The following KIAA1549L variants were observed in gnomAD, a reference collection of about 807,000 sequenced individuals.
KIAA1549L encodes KIAA1549 like.
A neutral mutation model predicts 160.7 loss-of-function variants in KIAA1549L; 88 were observed. The observed-to-expected ratio is 0.55, with a 90% confidence interval of 0.46 to 0.65. The LOEUF is 0.65. Among genes scored for constraint, KIAA1549L ranks in the 30% least tolerant of loss-of-function variants. The pLI is 0.00. For missense variants in KIAA1549L, 2,258 were observed against 2,437.5 expected (o/e 0.93, Z 1.55); for synonymous variants, 950 against 976.7 (o/e 0.97, Z 0.51).
chr11:33,502,609 T>A (rs1852978057), intron 1 of KIAA1549L, among the ~76,000 whole-genome samples: 1 of 152,218 alleles, frequency 6.6e-6, no homozygotes, highest in African/African-American at 2.4e-5. Flanking sequence ...ATCTCCCACT[T>A]TAAGTGTTAC....
At chr11:33,539,259 TTTAA>T (rs1259283124) in intron 1 of KIAA1549L, among the ~76,000 whole-genome samples, 3 of 152,192 alleles carry the variant, frequency 2.0e-5, no homozygotes, top group Admixed American at 6.5e-5. Flanking sequence ...CTAAACAAAG[TTTAA>T]TTAAACCATC....
rs549525124 is a variant in KIAA1549L, at chr11:33,527,215, A to G, written c.239-14587A>G. Among the ~76,000 whole-genome samples the G allele has an allele frequency of 2.8e-3, 429 of 152,326 alleles. 3 individuals carry two copies. The highest frequency in any genetic ancestry group is 9.8e-3 in the African/African-American group (408 of 41,574). The stretch of plus-strand genomic sequence containing the variant: ...TGTTCCCAAGAAAGAAGAGAAATCA[A>G]AAAGTTTGGAAAACTTATTTGAGAG... On this transcript the variant is annotated intron_variant, in intron 1 of 20. Coordinates refer to ENST00000658780, the MANE Select transcript of KIAA1549L (RefSeq NM_012194.3).
chr11:33,651,183 G>A (rs190375555), intron 17 of KIAA1549L, among the ~76,000 whole-genome samples: 6 of 152,224 alleles, frequency 3.9e-5, no homozygotes, highest in African/African-American at 7.2e-5. Flanking sequence ...AGTAGCTTTC[G>A]CTTATGAAAC....
chr11:33,535,663 C>T (rs780799481), intron 1 of KIAA1549L, among the ~76,000 whole-genome samples: 7 of 151,932 alleles, frequency 4.6e-5, no homozygotes, highest in Non-Finnish European at 1.0e-4. Flanking sequence ...CAGAGTGAGA[C>T]CCTGTCCCCC....
At position 33,672,685 on chromosome 11, in the gene KIAA1549L, G is replaced by A. The variant is rs1195212097; in HGVS notation, c.*4531G>A. The A allele has an allele frequency of 1.9e-5, 3 of 153,854 alleles. No homozygotes were observed. Among genetic ancestry groups the A allele is most frequent in the Admixed American group, 6.5e-5 (1 of 15,278 alleles). The allele number at this position is 153,854 out of a possible 1,614,324, so 9.5% of individuals were successfully genotyped here. A position where few individuals can be genotyped will look rare whatever the true frequency, so the allele number is the denominator to read the frequency against. On this transcript the variant is annotated 3_prime_UTR_variant, in exon 21 of 21. Coordinates refer to ENST00000658780, the MANE Select transcript of KIAA1549L (RefSeq NM_012194.3). ...GGGCATCTTCACTTGCACATCAGGTGAGGGTGCACACACTTGAAACTCTGC... is the reference window on the plus strand; with the variant it reads ...GGGCATCTTCACTTGCACATCAGGTAAGGGTGCACACACTTGAAACTCTGC...
chr11:33,475,841 A>C (rs1852274247), intron 1 of KIAA1549L, among the ~76,000 whole-genome samples: 1 of 152,150 alleles, frequency 6.6e-6, no homozygotes, highest in Non-Finnish European at 1.5e-5. Flanking sequence ...TGGGTGACAG[A>C]GTGAGACTGA....
At chr11:33,505,905 C>T (rs914174176) in intron 1 of KIAA1549L, among the ~76,000 whole-genome samples, 3 of 152,152 alleles carry the variant, frequency 2.0e-5, no homozygotes, top group Admixed American at 6.5e-5. Context: ...ATTGAGTACT[C>T]ACCATGTGCT....
chr11:33,440,546 T>C (rs554003868), intron 1 of KIAA1549L, among the ~76,000 whole-genome samples: 8 of 152,356 alleles, frequency 5.3e-5, no homozygotes, highest in African/African-American at 1.9e-4. Flanking sequence ...ATCTTTTCCC[T>C]CATTTTATAC....
intron 9 of KIAA1549L, among the ~76,000 whole-genome samples, chr11:33,573,394 A>G (rs1012022753): frequency 6.6e-6 from 1 of 152,108 alleles, no homozygotes; most frequent in Non-Finnish European, 1.5e-5. Flanking sequence ...TAAATAGTAT[A>G]TTATGTAGTT....
At chr11:33,470,245 TC>T (rs1239797206) in intron 1 of KIAA1549L, among the ~76,000 whole-genome samples, 3 of 152,212 alleles carry the variant, frequency 2.0e-5, no homozygotes, top group African/African-American at 4.8e-5. Flanking sequence ...GTATCAATTG[TC>T]CCAGCACCAT....
At chr11:33,565,310 G>C (rs1245084059) in intron 8 of KIAA1549L, among the ~76,000 whole-genome samples, 1 of 152,176 alleles carries the variant, frequency 6.6e-6, no homozygotes, top group Non-Finnish European at 1.5e-5. Flanking sequence ...CTCTGGTAAG[G>C]ATGTGTTTAG....
intron 15 of KIAA1549L, among the ~76,000 whole-genome samples, chr11:33,616,078 G>T (rs1590400902): frequency 6.6e-6 from 1 of 152,182 alleles, no homozygotes; most frequent in East Asian, 1.9e-4. Context: ...TCTTTGGGCT[G>T]CAAATGATGG....
chr11:33,404,250 C>T (rs1397486204), intron 1 of KIAA1549L, among the ~76,000 whole-genome samples: 1 of 152,198 alleles, frequency 6.6e-6, no homozygotes, highest in Non-Finnish European at 1.5e-5. Context: ...TTAGGCCAGG[C>T]ACAGTGGCTC....
At chr11:33,656,939 G>T (rs1852085487) in intron 18 of KIAA1549L, among the ~76,000 whole-genome samples, 1 of 152,174 alleles carries the variant, frequency 6.6e-6, no homozygotes, top group African/African-American at 2.4e-5. Context: ...AGCCCCAGCA[G>T]TTGGCCTTGC....
chr11:33,559,639 T>G, intron 6 of KIAA1549L, 110 bp from the exon 7 acceptor site: 1 of 814,340 alleles, frequency 1.2e-6, no homozygotes, highest in Non-Finnish European at 2.0e-6. Context: ...TGACCCCCTT[T>G]CATTCCTTCC....
intron 12 of KIAA1549L, among the ~76,000 whole-genome samples, chr11:33,594,432 C>G (rs1212084949): frequency 6.6e-6 from 1 of 152,182 alleles, no homozygotes; most frequent in Non-Finnish European, 1.5e-5. Context: ...CATCTCCAGT[C>G]AGGTGACAGA....
intron 10 of KIAA1549L, among the ~76,000 whole-genome samples, chr11:33,579,809 C>T (rs190677167): frequency 3.9e-5 from 6 of 152,226 alleles, no homozygotes; most frequent in African/African-American, 1.4e-4. Context: ...AGAGGATGTC[C>T]TCTGGGAAAT....
intron 1 of KIAA1549L, among the ~76,000 whole-genome samples, chr11:33,471,482 C>T (rs577790490): frequency 6.6e-6 from 1 of 152,272 alleles, no homozygotes; most frequent in Non-Finnish European, 1.5e-5. Flanking sequence ...CCCTTCTTCT[C>T]TCTCTCCTCA....
chr11:33,548,598 G>A (rs181124177), intron 4 of KIAA1549L, among the ~76,000 whole-genome samples: 6 of 152,210 alleles, frequency 3.9e-5, no homozygotes, highest in Admixed American at 2.0e-4. Context: ...CTTGTAAATC[G>A]AGTCCGACTT....
Sources: allele counts gnomAD v4.1 joint callset (sites outside exome capture counted in the v4.1 genomes callset), GRCh38; gene constraint gnomAD v4.1.1; transcripts MANE v1.5; gene names NCBI Gene and HGNC (gene_info 2026-07-23, HGNC 2026-07-21).